FIG4: variants seen among roughly 807,000 people sequenced by gnomAD.
FIG4 encodes polyphosphoinositide phosphatase.
A neutral mutation model predicts 118.6 loss-of-function variants in FIG4; 112 were observed. The ratio of observed to expected loss-of-function variants is 0.94; its 90% CI spans 0.81 to 1.11. FIG4 has a LOEUF of 1.11. Among genes scored for constraint, FIG4 ranks in the 50% least tolerant of loss-of-function variants. FIG4 has a pLI of 0.00. For synonymous variants in FIG4, 369 were observed against 381.2 expected (o/e 0.97, Z 0.37); for missense variants, 969 against 1,111.7 (o/e 0.87, Z 1.83).
Position 109,743,686 on chromosome 6 carries a change from G to C in FIG4, c.1051G>C (p.Asp351His), listed in dbSNP as rs879253941. The C allele has an allele frequency of 4.3e-6, 7 of 1,612,016 alleles. No homozygotes were observed. Among genetic ancestry groups the C allele is most frequent in the Non-Finnish European group, 5.1e-6 (6 of 1,178,766 alleles). The change falls in exon 10 of 23, where the codon GAT becomes CAT. Residue 351 changes from aspartate to histidine, a missense_variant. By Grantham distance (81) the Asp-to-His change is moderately conservative (BLOSUM62 -1). This residue lies in a region of FIG4 where 246 missense variants were observed against 354.3 expected (regional missense o/e 0.69). Coordinates refer to ENST00000230124, the MANE Select transcript of FIG4 (RefSeq NM_014845.6). ...TTTTTCCTTCTCAGTGGATCAGGCAGATCCATTTGCACATGTGGCTGCCCT... is the reference window on the plus strand; with the variant it reads ...TTTTTCCTTCTCAGTGGATCAGGCACATCCATTTGCACATGTGGCTGCCCT... Reference protein sequence around the residue: ...PKPPITLDQADPFAHVAALHF... With the variant: ...PKPPITLDQAHPFAHVAALHF...
chr6:109,787,991 C>T (rs1247187743), intron 18 of FIG4, among the ~76,000 whole-genome samples: 1 of 152,130 alleles, frequency 6.6e-6, no homozygotes, highest in African/African-American at 2.4e-5. Context: ...AGAAACTGTT[C>T]TTCGAATTTT....
At chr6:109,727,329 G>A (rs1775854088) in intron 4 of FIG4, 64 bp downstream of exon 4, 1 of 1,309,152 alleles carries the variant, frequency 7.6e-7, no homozygotes, top group Non-Finnish European at 1.1e-6. Flanking sequence ...TGCCCAGGCT[G>A]GAAGGCTGGA....
intron 12 of FIG4, among the ~76,000 whole-genome samples, chr6:109,763,040 G>T (rs1025026466): frequency 6.6e-6 from 1 of 152,230 alleles, no homozygotes; most frequent in Non-Finnish European, 1.5e-5. Flanking sequence ...CCAAGAAACA[G>T]ATTGTGAAGC....
In FIG4 at chr6:109,753,871, C is replaced by G. The variant is rs544578471; in HGVS notation, c.1138-6379C>G. Among the ~76,000 whole-genome samples the G allele has an allele frequency of 1.1e-4, 16 of 152,328 alleles. No individual in the cohort carries two copies. In the East Asian group the frequency reaches 3.1e-3, roughly 29 times the overall value. ...CAATAGGGTTTTCTAGATATACAAT[C>G]ATGTCATCTGCAAACAGGGACAATT... On this transcript the variant is annotated intron_variant, in intron 10 of 22. Coordinates refer to ENST00000230124, the MANE Select transcript of FIG4 (RefSeq NM_014845.6).
At chr6:109,809,112 G>A (rs1369279209) in intron 22 of FIG4, among the ~76,000 whole-genome samples, 1 of 152,096 alleles carries the variant, frequency 6.6e-6, no homozygotes, top group African/African-American at 2.4e-5. Flanking sequence ...TTTTGTTGTA[G>A]TATCAAATAA....
chr6:109,765,847 G>A (rs1777264454), intron 14 of FIG4, among the ~76,000 whole-genome samples: 1 of 152,170 alleles, frequency 6.6e-6, no homozygotes, highest in South Asian at 2.1e-4. Context: ...CTGGTCATCG[G>A]AAATTGTCAT....
rs866431185 is a variant in FIG4, at chr6:109,765,164, A to G, written c.1583+3A>G. On this transcript the variant is annotated splice_donor_region_variant and intron_variant, in intron 14 of 22. Transcript: ENST00000230124. ...CAGTTTGATACAGATGCAGTTAGGT[A>G]AGTCTTATTTTTTGCTATTTGAATG... 34 of 1,613,866 alleles carry G rather than the reference A, an allele frequency of 2.1e-5. 4 individuals are homozygous for G. The Middle Eastern group carries it at 5.1e-3, about 243-fold the overall frequency.
rs1401867988 is a variant in FIG4, at chr6:109,784,978, A to T, written c.1898A>T (p.Tyr633Phe). 1 of 1,531,416 alleles carries T rather than the reference A, an allele frequency of 6.5e-7. No homozygotes were observed. The highest frequency in any genetic ancestry group is 9.0e-7 in the Non-Finnish European group (1 of 1,110,512). 94.9% of individuals were successfully genotyped at this position (1,531,416 alleles called of 1,614,324 possible). ...RLLPTRRSYT[Y>F]WWTPEVIKHL... The stretch of plus-strand genomic sequence containing the variant: ...TAATTTTTATTTTATAGTTATACTT[A>T]CTGGTGGACACCAGAGGTGATAAAG... The change falls in exon 17 of 23, where the codon TAC becomes TTC. Residue 633 changes from tyrosine to phenylalanine, a missense_variant. This residue lies in a region of FIG4 where 330 missense variants were observed against 348.1 expected (regional missense o/e 0.95). Coordinates refer to ENST00000230124, the MANE Select transcript of FIG4 (RefSeq NM_014845.6).
intron 22 of FIG4, among the ~76,000 whole-genome samples, chr6:109,802,613 T>G (rs148532391): frequency 5.2e-4 from 80 of 152,386 alleles, no homozygotes; most frequent in African/African-American, 1.9e-3. Flanking sequence ...TTTATATGAA[T>G]GCATCTCTTC....
At chr6:109,738,248 T>G in intron 6 of FIG4, 77 bp from the exon 7 acceptor site, 1 of 1,278,078 alleles carries the variant, frequency 7.8e-7, no homozygotes, top group South Asian at 1.3e-5. Flanking sequence ...TCCATATCTT[T>G]CTGATACCAA....
chr6:109,765,269 T>C lies in FIG4; in HGVS notation c.1583+108T>C, dbSNP rs1275999572. 7.0e-6 allele frequency: 6 copies of C among 858,500 alleles called. No individual in the cohort carries two copies. The Admixed American group carries it at 1.0e-4, about 15-fold the overall frequency. 53.2% of individuals were successfully genotyped at this position (858,500 alleles called of 1,614,324 possible). A position where few individuals can be genotyped will look rare whatever the true frequency, so the allele number is the denominator to read the frequency against. ...TTTCTACTTTTAGCTTCTCAAAAATTATGTTGCTAGAAAACATTATTCAAA... is the reference window on the plus strand; with the variant it reads ...TTTCTACTTTTAGCTTCTCAAAAATCATGTTGCTAGAAAACATTATTCAAA... On this transcript the variant is annotated intron_variant, in intron 14 of 22. Transcript: ENST00000230124.
intron 22 of FIG4, among the ~76,000 whole-genome samples, chr6:109,813,865 C>T (rs1462331496): frequency 6.6e-6 from 1 of 152,174 alleles, no homozygotes; most frequent in African/African-American, 2.4e-5. Flanking sequence ...TGGAGCCTGT[C>T]AACCAAGTGA....
chr6:109,780,727 G>A (rs145566793), intron 16 of FIG4, among the ~76,000 whole-genome samples: 24 of 152,210 alleles, frequency 1.6e-4, no homozygotes, highest in African/African-American at 4.3e-4. Flanking sequence ...AGATAATGGC[G>A]TGGCATATCT....
chr6:109,777,444 C>G (rs1233425768), intron 16 of FIG4, among the ~76,000 whole-genome samples: 1 of 152,162 alleles, frequency 6.6e-6, no homozygotes, highest in African/African-American at 2.4e-5. Context: ...CCTTGTTAAA[C>G]AGAAGTTGTA....
At chr6:109,808,569 T>C (rs1778636023) in intron 22 of FIG4, among the ~76,000 whole-genome samples, 2 of 152,188 alleles carry the variant, frequency 1.3e-5, no homozygotes, top group South Asian at 4.1e-4. Context: ...AGGACTTGTG[T>C]GGTGATTGTC....
chr6:109,824,008 T>C (rs1554313947), intron 22 of FIG4, among the ~76,000 whole-genome samples: 1 of 152,168 alleles, frequency 6.6e-6, no homozygotes, highest in Non-Finnish European at 1.5e-5. Context: ...TACACACACA[T>C]GCTCTGCATC....
intron 5 of FIG4, among the ~76,000 whole-genome samples, chr6:109,733,044 A>G (rs1776054193): frequency 6.6e-6 from 1 of 152,132 alleles, no homozygotes; most frequent in South Asian, 2.1e-4. Flanking sequence ...TTAGTAAATA[A>G]TCTGGCAAAA....
rs1258642245 is a variant in FIG4 at position 109,706,586 on chromosome 6, C to G, written c.67-8492C>G. ...CCTTTGGGCTACTCTCTGTTTTCCTCTGGCGTTTGTCTTTTTCCTCAAATA... is the reference window on the plus strand; with the variant it reads ...CCTTTGGGCTACTCTCTGTTTTCCTGTGGCGTTTGTCTTTTTCCTCAAATA... On this transcript the variant is annotated intron_variant, in intron 1 of 22. Transcript: ENST00000230124. Among the ~76,000 whole-genome samples the G allele has an allele frequency of 2.0e-5, 3 of 152,340 alleles. No individual in the cohort carries two copies. The South Asian group carries it at 6.2e-4, about 32-fold the overall frequency.
chr6:109,743,633 C>A, intron 9 of FIG4, 42 bp from the exon 10 acceptor site: 1 of 1,476,078 alleles, frequency 6.8e-7, no homozygotes, highest in Non-Finnish European at 9.5e-7. Context: ...TTTTGCTTTG[C>A]AATTTTCATT....
Sources: gnomAD v4.1 joint callset for allele counts (sites outside exome capture counted in the v4.1 genomes callset) on GRCh38, gnomAD v4.1.1 for gene constraint, gnomAD v4.1.1 regional missense constraint, MANE v1.5 for transcripts, NCBI Gene and HGNC (gene_info 2026-07-23, HGNC 2026-07-21) for gene names.